The following SORBS2 variants were observed in gnomAD, a reference collection of about 807,000 sequenced individuals.
SORBS2 encodes sorbin and SH3 domain-containing protein 2.
SORBS2 carries 46 observed loss-of-function variants against 97.7 expected under a neutral mutation model. The observed-to-expected ratio is 0.47, with a 90% CI of 0.37 to 0.60. The LOEUF is 0.60. Ranked by LOEUF, SORBS2 falls within the 20% of genes least tolerant of loss-of-function variation. The pLI is 0.00. For synonymous variants in SORBS2, 476 were observed against 473.4 expected, an observed-to-expected ratio of 1.01 and a Z score of -0.07; for missense variants, 1,316 against 1,282.3, an observed-to-expected ratio of 1.03 and a Z score of -0.40.
intron 1 of SORBS2, among the ~76,000 whole-genome samples, chr4:185,878,378 T>G (rs1007516373): frequency 3.3e-5 from 5 of 152,112 alleles, no homozygotes; most frequent in African/African-American, 9.7e-5. Context: ...GCAAAGCAAG[T>G]GTGTGATTCA....
upstream of SORBS2, chr4:185,657,266 T>C (rs888582319): frequency 7.0e-6 from 4 of 571,404 alleles, no homozygotes; most frequent in African/African-American, 7.9e-5. Flanking sequence ...CAGCTTTCTT[T>C]CTCTGCCACA....
At chr4:185,669,845 T>C (rs1032201916) in intron 4 of SORBS2, among the ~76,000 whole-genome samples, 1 of 152,180 alleles carries the variant, frequency 6.6e-6, no homozygotes, top group African/African-American at 2.4e-5. Context: ...TCAGTTTTAG[T>C]TGAGAGAATA....
intron 1 of SORBS2, among the ~76,000 whole-genome samples, chr4:185,835,499 T>G (rs959286427): frequency 6.6e-6 from 1 of 152,184 alleles, no homozygotes; most frequent in Non-Finnish European, 1.5e-5. Flanking sequence ...GAATCTAGAT[T>G]ACAATGGAAA....
At chr4:185,760,381 G>A (rs1252081524) in intron 2 of SORBS2, among the ~76,000 whole-genome samples, 4 of 152,180 alleles carry the variant, frequency 2.6e-5, no homozygotes, top group Admixed American at 2.6e-4. Flanking sequence ...GGTCAACATG[G>A]TGAAACCCCA....
intron 1 of SORBS2, among the ~76,000 whole-genome samples, chr4:185,863,061 G>C (rs918589102): frequency 1.3e-5 from 2 of 152,200 alleles, no homozygotes; most frequent in Admixed American, 1.3e-4. Flanking sequence ...AAGGAATCTT[G>C]AGAAGCTCTC....
chr4:185,616,382 G>C (rs746932738), intron 9 of SORBS2, among the ~76,000 whole-genome samples: 5 of 152,126 alleles, frequency 3.3e-5, no homozygotes, highest in Non-Finnish European at 5.9e-5. Flanking sequence ...TAAAAACAAA[G>C]AAGATTCATG....
chr4:185,740,786 C>G (rs1488565900), intron 2 of SORBS2, among the ~76,000 whole-genome samples: 1 of 152,192 alleles, frequency 6.6e-6, no homozygotes, highest in African/African-American at 2.4e-5. Flanking sequence ...AGCACCAACT[C>G]AGCCCAGCAC....
At chr4:185,873,175 T>G (rs1262389610) in intron 1 of SORBS2, among the ~76,000 whole-genome samples, 1 of 152,238 alleles carries the variant, frequency 6.6e-6, no homozygotes, top group Non-Finnish European at 1.5e-5. Flanking sequence ...CTCCTCCCCA[T>G]ATAGAATTCC....
intron 13 of SORBS2, chr4:185,592,682 A>G (rs1561276638): frequency 6.5e-6 from 1 of 153,142 alleles, no homozygotes; most frequent in Non-Finnish European, 1.5e-5. Context: ...CAGCCTACTA[A>G]GCAGCTGGGA....
At chr4:185,766,576 T>C (rs1488539725) in intron 2 of SORBS2, among the ~76,000 whole-genome samples, 1 of 152,244 alleles carries the variant, frequency 6.6e-6, no homozygotes, top group Non-Finnish European at 1.5e-5. Context: ...TCTTGAGTGT[T>C]TTGAAAATTA....
intron 1 of SORBS2, among the ~76,000 whole-genome samples, chr4:185,880,884 T>C (rs36076360): frequency 0.28 from 41,836 of 151,950 alleles, 6,034 homozygotes; most frequent in East Asian, 0.54. Context: ...GTATTGTCTG[T>C]GGTAGGCATA....
At chr4:185,794,922 T>G (rs1057436967) in intron 1 of SORBS2, among the ~76,000 whole-genome samples, 1 of 151,964 alleles carries the variant, frequency 6.6e-6, no homozygotes, top group Admixed American at 6.6e-5. Flanking sequence ...CCAGGAAGAG[T>G]GGCTCCCAGC....
chr4:185,666,004 T>C lies in SORBS2; in HGVS notation c.-45-3762A>G, dbSNP rs1221201772. ...TAAGCAATGGGAAAGGCTCTGGGGA[T>C]TATGCAGGCGTGAAGACCCCACACC... On this transcript the variant is annotated intron_variant, in intron 4 of 20. Transcript: ENST00000284776. 11 of 1,287,464 alleles carry C rather than the reference T, an allele frequency of 8.5e-6. No homozygotes were observed. The Admixed American group carries it at 2.5e-4, about 30-fold the overall frequency. The allele number at this position is 1,287,464 out of a possible 1,614,324, so 79.8% of individuals were successfully genotyped here.
intron 2 of SORBS2, among the ~76,000 whole-genome samples, chr4:185,715,053 C>T (rs543554171): frequency 8.4e-4 from 127 of 151,940 alleles, no homozygotes; most frequent in African/African-American, 2.6e-3. Context: ...GCATTTTTCA[C>T]GACAGATTTT....
chr4:185,919,813 G>A (rs185676795), intron 1 of SORBS2, among the ~76,000 whole-genome samples: 2 of 152,274 alleles, frequency 1.3e-5, no homozygotes, highest in East Asian at 3.9e-4. Context: ...TTATTGTCCT[G>A]CTGTCATCTT....
chr4:185,932,002 CTATA>C (rs747703284), intron 1 of SORBS2, among the ~76,000 whole-genome samples: 23 of 148,566 alleles, frequency 1.5e-4, no homozygotes, highest in Middle Eastern at 3.6e-3. Flanking sequence ...CTCTCTCTCT[CTATA>C]TATATATATA....
chr4:185,791,063 C>T (rs1409318283), intron 1 of SORBS2, among the ~76,000 whole-genome samples: 2 of 152,136 alleles, frequency 1.3e-5, no homozygotes, highest in Non-Finnish European at 2.9e-5. Flanking sequence ...TATTAAAATG[C>T]CACTTTTCAT....
rs1175549580 is a variant in SORBS2 at position 185,731,902 on chromosome 4, ATATATATG to A, written c.-198+43317_-198+43324del. ...TATATATATATATATATATATATAT[ATATATATG>A]TCTGTTTCTCTGTCTCACTCTAGAT... On this transcript the variant is annotated intron_variant, in intron 2 of 20. Coordinates refer to the SORBS2 transcript ENST00000284776. 6.5e-3 allele frequency among the ~76,000 whole-genome samples: 534 copies of A among 81,952 alleles called. 11 individuals carry two copies. The highest frequency in any genetic ancestry group is 7.7e-3 in the Non-Finnish European group (320 of 41,662). The allele number at this position is 81,952 out of a possible 152,430, so 53.8% of individuals were successfully genotyped here. A position where few individuals can be genotyped will look rare whatever the true frequency, so the allele number is the denominator to read the frequency against.
intron 1 of SORBS2, among the ~76,000 whole-genome samples, chr4:185,862,185 T>C (rs568290379): frequency 6.6e-6 from 1 of 152,276 alleles, no homozygotes; most frequent in Admixed American, 6.5e-5. Flanking sequence ...GAAGCATTAC[T>C]AAGAGCAACA....
Sources: allele counts gnomAD v4.1 joint callset (sites outside exome capture counted in the v4.1 genomes callset), GRCh38; gene constraint gnomAD v4.1.1; transcripts MANE v1.5; gene names NCBI Gene and HGNC (gene_info 2026-07-23, HGNC 2026-07-21).